Variants in INPP5A observed in about 807,000 individuals in gnomAD.
INPP5A encodes the protein inositol polyphosphate-5-phosphatase A, also known as 43 kDa inositol polyphosphate 5-phophatase.
Under a neutral mutation model 65.2 loss-of-function variants are expected in INPP5A, and 14 were observed. The observed-to-expected ratio is 0.21, with a 90% CI of 0.14 to 0.34. The LOEUF is 0.34. INPP5A is among the 10% of genes least tolerant of loss of function. The probability of loss-of-function intolerance (pLI) is 1.00; values close to 1 mark genes in which losing one functional copy is unlikely to be tolerated. For synonymous variants in INPP5A, 207 were observed against 208.3 expected, an observed-to-expected ratio of 0.99 and a Z score of 0.05; for missense variants, 431 against 545.6, an observed-to-expected ratio of 0.79 and a Z score of 2.09.
intron 1 of INPP5A, among the ~76,000 whole-genome samples, chr10:132,541,982 A>G (rs2056583725): frequency 6.6e-6 from 1 of 152,200 alleles, no homozygotes; most frequent in Non-Finnish European, 1.5e-5. Flanking sequence ...AGGGGTCCAT[A>G]TTTAATTGTT....
At chr10:132,634,836 C>T (rs1350071574) in intron 2 of INPP5A, among the ~76,000 whole-genome samples, 3 of 152,264 alleles carry the variant, frequency 2.0e-5, no homozygotes, top group African/African-American at 7.2e-5. Flanking sequence ...CTGCCTGGCT[C>T]ACCGCAGCCC....
intron 7 of INPP5A, among the ~76,000 whole-genome samples, chr10:132,709,848 G>A (rs370331618): frequency 1.2e-4 from 18 of 152,220 alleles, no homozygotes; most frequent in African/African-American, 3.6e-4. Flanking sequence ...AGGCCTTGCC[G>A]AGTCCATGTG....
chr10:132,647,652 G>T (rs1053569171), intron 3 of INPP5A, among the ~76,000 whole-genome samples: 2 of 152,160 alleles, frequency 1.3e-5, no homozygotes, highest in African/African-American at 4.8e-5. Context: ...GCGCAGCCCA[G>T]AGAGTGGAGA....
intron 11 of INPP5A, among the ~76,000 whole-genome samples, chr10:132,756,861 G>A (rs571784109): frequency 6.6e-6 from 1 of 152,378 alleles, no homozygotes; most frequent in East Asian, 1.9e-4. Context: ...GGACGCAGAG[G>A]CGGCAGAGAG....
chr10:132,709,559 G>A (rs111720221), intron 7 of INPP5A, among the ~76,000 whole-genome samples: 19 of 152,230 alleles, frequency 1.2e-4, no homozygotes, highest in African/African-American at 4.3e-4. Flanking sequence ...GGCACATGGG[G>A]CACGTTCACC....
At chr10:132,667,955 AC>A (rs1052652700) in intron 4 of INPP5A, among the ~76,000 whole-genome samples, 1 of 152,218 alleles carries the variant, frequency 6.6e-6, no homozygotes, top group African/African-American at 2.4e-5. Flanking sequence ...CGCCTCACCA[AC>A]ATTTATTTAT....
Position 132,705,588 on chromosome 10 carries a change from G to A in INPP5A, c.475-2725G>A, listed in dbSNP as rs1428788139. Among the ~76,000 whole-genome samples, 1 of 152,242 alleles carries A rather than the reference G, an allele frequency of 6.6e-6. No individual in the cohort carries two copies. Among genetic ancestry groups the A allele is most frequent in the Non-Finnish European group, 1.5e-5 (1 of 68,042 alleles). ...CGGGAGGAGTGTACAGGAAGTCTCT[G>A]TACCTTATGCTCAATTCTTCTGGAA... On this transcript the variant is annotated intron_variant, in intron 6 of 15. Transcript: ENST00000368594. The surrounding 1 kb of genome is among the most constrained non-coding windows in gnomAD (Gnocchi z 4.9).
Position 132,547,925 on chromosome 10 carries a change from A to T in INPP5A, c.75+9754A>T, listed in dbSNP as rs1339401963. On this transcript the variant is annotated intron_variant, in intron 1 of 15. Transcript: ENST00000368594. The surrounding 1 kb of genome is among the most constrained non-coding windows in gnomAD (Gnocchi z 5.5). The stretch of plus-strand genomic sequence containing the variant: ...CTTTTTTAATTTTTTTTTTTTTAAG[A>T]TGGACACTCCATCACCCAGGCTGGA... Among the ~76,000 whole-genome samples the T allele has an allele frequency of 6.7e-6, 1 of 149,196 alleles. No individual in the cohort carries two copies. The highest frequency in any genetic ancestry group is 1.5e-5 in the Non-Finnish European group (1 of 67,402).
In INPP5A at chr10:132,545,713, C is replaced by T. The variant is rs1226799722; in HGVS notation, c.75+7542C>T. Among the ~76,000 whole-genome samples, 2 of 152,186 alleles carry T rather than the reference C, an allele frequency of 1.3e-5. No individual in the cohort carries two copies. The highest frequency in any genetic ancestry group is 2.1e-4 in the South Asian group (1 of 4,832). On this transcript the variant is annotated intron_variant, in intron 1 of 15. Transcript: ENST00000368594. The surrounding 1 kb of genome is among the most constrained non-coding windows in gnomAD (Gnocchi z 4.6). ...TGGGATACTTGGGAATCTCAGAGCC[C>T]GGTGGGAACCAGGAACTGAGCTCAG...
At chr10:132,670,786 C>T (rs937016753) in intron 4 of INPP5A, among the ~76,000 whole-genome samples, 5 of 151,850 alleles carry the variant, frequency 3.3e-5, no homozygotes, top group Admixed American at 1.3e-4. Flanking sequence ...CCCTTGACCC[C>T]GTATCTCCCC....
chr10:132,607,849 G>A, intron 1 of INPP5A, 66 bp from the exon 2 acceptor site: 1 of 1,488,586 alleles, frequency 6.7e-7, no homozygotes, highest in Non-Finnish European at 9.3e-7. Flanking sequence ...ACAGGAGCTT[G>A]TCCTGGCTCT....
chr10:132,598,685 G>A (rs573412944), intron 1 of INPP5A, among the ~76,000 whole-genome samples: 2 of 152,298 alleles, frequency 1.3e-5, no homozygotes, highest in South Asian at 4.1e-4. Flanking sequence ...ATCTGTTTAA[G>A]TTCCTGCTTT....
chr10:132,576,951 T>C (rs911531800), intron 1 of INPP5A, among the ~76,000 whole-genome samples: 13 of 152,366 alleles, frequency 8.5e-5, no homozygotes, highest in Admixed American at 8.5e-4. Flanking sequence ...GCTGAATTGC[T>C]GTGAGCCCAG....
chr10:132,576,133 C>A (rs1056873782), intron 1 of INPP5A, among the ~76,000 whole-genome samples: 1 of 152,194 alleles, frequency 6.6e-6, no homozygotes, highest in African/African-American at 2.4e-5. Context: ...CAGCCCTGGG[C>A]CCTCCCTGTG....
At chr10:132,622,046 A>G (rs1394134418) in intron 2 of INPP5A, among the ~76,000 whole-genome samples, 1 of 152,228 alleles carries the variant, frequency 6.6e-6, no homozygotes, top group East Asian at 1.9e-4. Context: ...TATTAAGTGG[A>G]TTTATTTAGT....
At chr10:132,596,914 CATGT>C (rs1564928928) in intron 1 of INPP5A, among the ~76,000 whole-genome samples, 57 of 100,256 alleles carry the variant, frequency 5.7e-4, no homozygotes, top group Non-Finnish European at 1.1e-3. Context: ...TGCATGTGTG[CATGT>C]GTGCGCGCAT....
intron 3 of INPP5A, among the ~76,000 whole-genome samples, chr10:132,646,377 CG>C (rs1449777808): frequency 6.6e-6 from 1 of 152,142 alleles, no homozygotes; most frequent in Non-Finnish European, 1.5e-5. Flanking sequence ...AAATCTCCAT[CG>C]TTTAGGAGGA....
chr10:132,763,875 G>A (rs1441059861), intron 11 of INPP5A, among the ~76,000 whole-genome samples: 2 of 152,256 alleles, frequency 1.3e-5, no homozygotes, highest in Admixed American at 6.5e-5. Flanking sequence ...GTGCCTGCAT[G>A]CAAACACATG....
At chr10:132,646,070 G>A in intron 3 of INPP5A, 102 bp downstream of exon 3, 2 of 747,512 alleles carry the variant, frequency 2.7e-6, no homozygotes, top group Non-Finnish European at 4.6e-6. Flanking sequence ...TCACCATTCG[G>A]GACTCACCTG....
Sources: gnomAD v4.1 joint callset for allele counts (sites outside exome capture counted in the v4.1 genomes callset) on GRCh38, gnomAD v4.1.1 for gene constraint, Gnocchi (gnomAD v3.1) non-coding constraint, MANE v1.5 for transcripts, NCBI Gene and HGNC (gene_info 2026-07-23, HGNC 2026-07-21) for gene names.